The following AP1B1 variants were observed in gnomAD, a reference collection of about 807,000 sequenced individuals.
AP1B1 encodes adaptor related protein complex 1 subunit beta 1, also known as AP-1 complex subunit beta-1.
AP1B1 carries 36 observed loss-of-function variants against 104.3 expected under a neutral mutation model. That is an observed-to-expected ratio of 0.35 (90% CI 0.26 to 0.46). The LOEUF (loss-of-function observed/expected upper bound fraction) is 0.46. Among genes scored for constraint, AP1B1 ranks in the 20% least tolerant of loss-of-function variants. The pLI, the probability that AP1B1 is intolerant of heterozygous loss-of-function variation, is 1.00. For synonymous variants in AP1B1, 504 were observed against 517.5 expected (o/e 0.97, Z 0.35); for missense variants, 901 against 1,247.9 (o/e 0.72, Z 4.19).
chr22:29,387,395 C>T (rs561794469), intron 1 of AP1B1, among the ~76,000 whole-genome samples: 3 of 151,768 alleles, frequency 2.0e-5, no homozygotes, highest in Non-Finnish European at 2.9e-5. Flanking sequence ...GCAACCTCCA[C>T]CTCCTGGGTT....
chr22:29,341,465 T>C (rs545387225), intron 13 of AP1B1, 36 bp downstream of exon 13: 35 of 1,590,490 alleles, frequency 2.2e-5, no homozygotes, highest in Non-Finnish European at 2.7e-5. Flanking sequence ...GGAAGCAGAG[T>C]GTGAAGGCGC....
chr22:29,378,352 T>C (rs1422852128), intron 1 of AP1B1, among the ~76,000 whole-genome samples: 2 of 149,944 alleles, frequency 1.3e-5, no homozygotes, highest in African/African-American at 4.9e-5. Flanking sequence ...AGCGCAGGAG[T>C]TCAAGACCAG....
intron 16 of AP1B1, among the ~76,000 whole-genome samples, chr22:29,337,122 G>A (rs1004599166): frequency 2.6e-5 from 4 of 152,236 alleles, no homozygotes; most frequent in African/African-American, 9.6e-5. Context: ...CATGAAGGCA[G>A]GTGCACAGGT....
At chr22:29,329,811 C>T in intron 21 of AP1B1, 91 bp from the exon 22 acceptor site, 17 of 1,587,960 alleles carry the variant, frequency 1.1e-5, no homozygotes, top group Non-Finnish European at 1.5e-5. Flanking sequence ...GCCACAGCCC[C>T]CCACCGACCA....
intron 14 of AP1B1, 71 bp from the exon 15 acceptor site, chr22:29,339,845 C>G (rs2061688496): frequency 4.7e-6 from 7 of 1,492,752 alleles, no homozygotes; most frequent in Non-Finnish European, 6.4e-6. Flanking sequence ...GGAAGGAAGA[C>G]AGAGAAACAA....
chr22:29,335,226 G>A (rs112025119), intron 16 of AP1B1, among the ~76,000 whole-genome samples: 1 of 152,088 alleles, frequency 6.6e-6, no homozygotes, highest in African/African-American at 2.4e-5. Flanking sequence ...ATCCACCAGC[G>A]GCATCCTGTG....
intron 1 of AP1B1, 39 bp downstream of exon 1, chr22:29,388,385 A>G (rs1057390258): frequency 6.6e-6 from 1 of 152,008 alleles, no homozygotes; most frequent in Non-Finnish European, 1.5e-5. Flanking sequence ...CCCTCGCCCC[A>G]CTTCTTCTCC....
At chr22:29,343,837 G>A (rs367547588) in intron 11 of AP1B1, among the ~76,000 whole-genome samples, 9 of 152,104 alleles carry the variant, frequency 5.9e-5, no homozygotes, top group African/African-American at 1.9e-4. Context: ...GTGGCCAGGC[G>A]TGATGGCTCA....
Position 29,329,469 on chromosome 22 carries a change from T to C in AP1B1, c.2775+243A>G, listed in dbSNP as rs1274768059. 10 of 1,383,286 alleles carry C rather than the reference T, an allele frequency of 7.2e-6. No homozygotes were observed. The African/African-American group carries it at 1.3e-4, about 18-fold the overall frequency. 85.7% of individuals were successfully genotyped at this position (1,383,286 alleles called of 1,614,324 possible). On this transcript the variant is annotated intron_variant, in intron 22 of 22. Transcript: ENST00000357586. ...GGGTGCAGTTAGGAAGTGGGAACAA[T>C]GGAGTTCCGCAGGTCAGCAGCAGCC... is the stretch of plus-strand genomic sequence containing the variant.
At chr22:29,347,909 C>T (rs1479825528) in intron 11 of AP1B1, among the ~76,000 whole-genome samples, 2 of 152,216 alleles carry the variant, frequency 1.3e-5, no homozygotes, top group Non-Finnish European at 1.5e-5. Flanking sequence ...AGGTTATTCT[C>T]GGCAGTACTG....
chr22:29,366,074 G>C (rs1177219666), intron 2 of AP1B1, among the ~76,000 whole-genome samples: 1 of 152,112 alleles, frequency 6.6e-6, no homozygotes, highest in East Asian at 1.9e-4. Flanking sequence ...TCATCTGGTC[G>C]GCAGGCATGT....
chr22:29,363,825 G>A (rs1480024591), intron 2 of AP1B1, among the ~76,000 whole-genome samples: 5 of 152,028 alleles, frequency 3.3e-5, no homozygotes, highest in Non-Finnish European at 7.4e-5. Flanking sequence ...TGAGCCCAGA[G>A]ATCGAGGTTG....
chr22:29,363,778 T>G (rs2062089539), intron 2 of AP1B1, among the ~76,000 whole-genome samples: 1 of 152,042 alleles, frequency 6.6e-6, no homozygotes, highest in Non-Finnish European at 1.5e-5. Context: ...GTGCCTGCCG[T>G]GCCAGCTACT....
intron 11 of AP1B1, among the ~76,000 whole-genome samples, chr22:29,347,993 G>C (rs890891903): frequency 1.3e-5 from 2 of 152,252 alleles, no homozygotes; most frequent in Non-Finnish European, 2.9e-5. Context: ...AAATGAATGA[G>C]AGCATGGTCT....
At chr22:29,376,170 T>G (rs2062337734) in intron 1 of AP1B1, among the ~76,000 whole-genome samples, 1 of 152,204 alleles carries the variant, frequency 6.6e-6, no homozygotes, top group Non-Finnish European at 1.5e-5. Flanking sequence ...TTAGGTCTTC[T>G]GTAGGAAGGA....
At chr22:29,352,467 C>T (rs2061891827) in intron 7 of AP1B1, among the ~76,000 whole-genome samples, 1 of 152,142 alleles carries the variant, frequency 6.6e-6, no homozygotes, top group African/African-American at 2.4e-5. Context: ...CATGTTGCTG[C>T]ATTTTGTTGG....
chr22:29,371,131 G>A (rs1444579713), intron 1 of AP1B1, among the ~76,000 whole-genome samples: 1 of 152,212 alleles, frequency 6.6e-6, no homozygotes, highest in Non-Finnish European at 1.5e-5. Context: ...GCTTAGTGAT[G>A]TACTGAGGGC....
chr22:29,379,552 G>A (rs1451985117), intron 1 of AP1B1, among the ~76,000 whole-genome samples: 1 of 152,114 alleles, frequency 6.6e-6, no homozygotes, highest in Non-Finnish European at 1.5e-5. Context: ...TGCCCCACAC[G>A]GAAGCATGCA....
intron 3 of AP1B1, among the ~76,000 whole-genome samples, chr22:29,362,530 A>T (rs985430116): frequency 6.6e-6 from 1 of 151,968 alleles, no homozygotes; most frequent in Non-Finnish European, 1.5e-5. Context: ...TATTTTTAGT[A>T]GAGACAGGAT....
Sources: allele counts gnomAD v4.1 joint callset (sites outside exome capture counted in the v4.1 genomes callset), GRCh38; gene constraint gnomAD v4.1.1; transcripts MANE v1.5; gene names NCBI Gene and HGNC (gene_info 2026-07-23, HGNC 2026-07-21).